Variants in FAM120B observed in about 807,000 individuals in gnomAD.
FAM120B encodes family with sequence similarity 120 member B.
A neutral mutation model predicts 96.3 loss-of-function variants in FAM120B; 83 were observed. The observed-to-expected ratio is 0.86, with a 90% CI of 0.72 to 1.03. The LOEUF (loss-of-function observed/expected upper bound fraction) is 1.03, where lower values mean the gene tolerates loss of function less well. FAM120B is among the 50% of genes least tolerant of loss of function. FAM120B has a pLI of 0.00. For missense variants in FAM120B, 1,027 were observed against 1,121.2 expected (o/e 0.92, Z 1.20); for synonymous variants, 407 against 402.7 (o/e 1.01, Z -0.13).
chr6:170,337,653 C>T (rs1029951686), intron 4 of FAM120B, among the ~76,000 whole-genome samples: 4 of 152,158 alleles, frequency 2.6e-5, no homozygotes, highest in Non-Finnish European at 5.9e-5. Context: ...GTGAATCCGT[C>T]TGGTCCTGGG....
chr6:170,291,122 C>G (rs1245748713), upstream of FAM120B: 1 of 489,826 alleles, frequency 2.0e-6, no homozygotes, highest in Non-Finnish European at 3.9e-6. Flanking sequence ...CCACCCTTCC[C>G]CGCCCCCCCA....
At position 170,330,633 on chromosome 6, in the gene FAM120B, A is replaced by T; in HGVS notation, c.2017+83A>T. On this transcript the variant is annotated intron_variant, in intron 4 of 10. Coordinates refer to ENST00000476287, the MANE Select transcript of FAM120B (RefSeq NM_032448.3). Reference sequence around the variant, plus strand: ...TAAGAATGCATCAGTTATGGAAAGCATCTTTTACCAGAATTGCACAAATAC... The same window carrying T: ...TAAGAATGCATCAGTTATGGAAAGCTTCTTTTACCAGAATTGCACAAATAC... 3.9e-6 allele frequency: 4 copies of T among 1,016,294 alleles called. No individual in the cohort carries two copies. In the South Asian group the frequency reaches 5.6e-5, roughly 14 times the overall value. 63.0% of individuals were successfully genotyped at this position (1,016,294 alleles called of 1,614,324 possible).
intron 2 of FAM120B, among the ~76,000 whole-genome samples, chr6:170,320,382 T>C (rs560516230): frequency 4.9e-4 from 74 of 152,278 alleles, no homozygotes; most frequent in African/African-American, 1.7e-3. Context: ...TTTTGAAACA[T>C]TACAGTGCAG....
chr6:170,371,806 A>G (rs375306636), intron 6 of FAM120B, among the ~76,000 whole-genome samples: 1 of 152,342 alleles, frequency 6.6e-6, no homozygotes. Flanking sequence ...ATGATTGGCC[A>G]GGAGGCTGCA....
At chr6:170,391,526 C>T (rs561193901) in intron 8 of FAM120B, among the ~76,000 whole-genome samples, 34 of 151,638 alleles carry the variant, frequency 2.2e-4, no homozygotes, top group African/African-American at 8.0e-4. Flanking sequence ...CAGATCGAGA[C>T]TCCATCTCAA....
intron 1 of FAM120B, among the ~76,000 whole-genome samples, chr6:170,301,542 C>T (rs1784142095): frequency 6.6e-6 from 1 of 152,204 alleles, no homozygotes; most frequent in Non-Finnish European, 1.5e-5. Flanking sequence ...TGAATTTCTC[C>T]CCCAGAAAAT....
intron 6 of FAM120B, among the ~76,000 whole-genome samples, chr6:170,360,612 C>T (rs909490361): frequency 1.3e-5 from 2 of 152,192 alleles, no homozygotes; most frequent in Admixed American, 6.5e-5. Context: ...ACAAACGTAG[C>T]AGAGACTTGT....
chr6:170,374,030 T>A (rs1789362713), intron 6 of FAM120B, among the ~76,000 whole-genome samples: 1 of 152,192 alleles, frequency 6.6e-6, no homozygotes, highest in African/African-American at 2.4e-5. Context: ...TCCTCAGTTC[T>A]ACCTGGATTT....
At position 170,405,693 on chromosome 6, in the gene FAM120B, C is replaced by T. The variant is rs1778780606; in HGVS notation, c.*942C>T. ...AAGTGTTTGAATAGAAAAGTAACAACTAACTTCCCATCTTTCTGGTGGAAG... is the reference window on the plus strand; with the variant it reads ...AAGTGTTTGAATAGAAAAGTAACAATTAACTTCCCATCTTTCTGGTGGAAG... On this transcript the variant is annotated 3_prime_UTR_variant, in exon 11 of 11. Transcript: ENST00000476287. 1 of 152,258 alleles carries T rather than the reference C, an allele frequency of 6.6e-6. No homozygotes were observed. The highest frequency in any genetic ancestry group is 6.5e-5 in the Admixed American group (1 of 15,284). 9.4% of individuals were successfully genotyped at this position (152,258 alleles called of 1,614,324 possible).
rs183731684 is a variant in FAM120B at position 170,322,864 on chromosome 6, G to A, written c.1735-215G>A. Among the ~76,000 whole-genome samples the A allele has an allele frequency of 2.1e-3, 312 of 152,114 alleles. 1 individual carries two copies. The highest frequency in any genetic ancestry group is 6.8e-3 in the Middle Eastern group (2 of 294). ...ACTGCAGAAGATAAGACTGGTAGAC[G>A]TTTGGAGAGAGGAGGAGGAGGGGGA... On this transcript the variant is annotated intron_variant, in intron 2 of 10. Transcript: ENST00000476287.
rs769052954 is a variant in FAM120B, at chr6:170,404,640, CAT to C, written c.*11+40_*11+41del. The C allele has an allele frequency of 6.2e-6, 9 of 1,450,304 alleles. No individual in the cohort carries two copies. In the African/African-American group the frequency reaches 9.8e-5, roughly 16 times the overall value. The allele number at this position is 1,450,304 out of a possible 1,614,324, so 89.8% of individuals were successfully genotyped here. A position where few individuals can be genotyped will look rare whatever the true frequency, so the allele number is the denominator to read the frequency against. On this transcript the variant is annotated intron_variant, in intron 10 of 10. Transcript: ENST00000476287. ...CTGCATCTCCAGAAGAAATCAGTCA[CAT>C]GTCTGTCTTAATAACATAAATCTTC...
At position 170,388,330 on chromosome 6, in the gene FAM120B, T is replaced by TGAA; in HGVS notation, c.2327_2328insGAA (p.Leu776_Val777insAsn). Reference sequence around the variant, plus strand: ...AGAGCCGTGCAGCTGGGCTCCCTTCTCGTCCGCGGCCTCACCACTCTGGTT... The same window carrying TGAA: ...AGAGCCGTGCAGCTGGGCTCCCTTCTGAACGTCCGCGGCCTCACCACTCTGGTT... On this transcript the variant is annotated inframe_insertion, in exon 7 of 11. Transcript: ENST00000476287. The TGAA allele has an allele frequency of 6.2e-7, 1 of 1,614,076 alleles. No homozygotes were observed. The highest frequency in any genetic ancestry group is 8.5e-7 in the Non-Finnish European group (1 of 1,180,044).
intron 4 of FAM120B, among the ~76,000 whole-genome samples, chr6:170,341,980 C>A (rs995379053): frequency 2.0e-5 from 3 of 152,170 alleles, no homozygotes; most frequent in African/African-American, 7.2e-5. Context: ...CGATCATAGC[C>A]ATGACATGAT....
rs374056645 is a variant in FAM120B, at chr6:170,377,724, T to A, written c.2284-10563T>A. Among the ~76,000 whole-genome samples the A allele has an allele frequency of 1.2e-4, 14 of 118,158 alleles. 1 individual carries two copies. Among genetic ancestry groups the A allele is most frequent in the East Asian group, 2.6e-4 (1 of 3,880 alleles). The allele number at this position is 118,158 out of a possible 152,430, so 77.5% of individuals were successfully genotyped here. On this transcript the variant is annotated intron_variant, in intron 6 of 10. Transcript: ENST00000476287. Reference sequence around the variant, plus strand: ...CGGTGCTGTGCACACGCGTCCCTAATCCCAGACGCCTGGGAGAACACAGGC... The same window carrying A: ...CGGTGCTGTGCACACGCGTCCCTAAACCCAGACGCCTGGGAGAACACAGGC...
intron 6 of FAM120B, among the ~76,000 whole-genome samples, chr6:170,378,663 G>A (rs1789725304): frequency 6.6e-6 from 1 of 152,192 alleles, no homozygotes; most frequent in Non-Finnish European, 1.5e-5. Flanking sequence ...CAGGAAGCAG[G>A]AAGCAGAACC....
chr6:170,292,455 G>T (rs939445257), upstream of FAM120B, among the ~76,000 whole-genome samples: 1 of 152,140 alleles, frequency 6.6e-6, no homozygotes, highest in Non-Finnish European at 1.5e-5. The surrounding 1 kb of genome is among the most constrained non-coding windows in gnomAD (Gnocchi z 6.6). Context: ...AGGGTTCCAG[G>T]TGAGTGTTGG....
At chr6:170,340,559 A>G (rs935406884) in intron 4 of FAM120B, among the ~76,000 whole-genome samples, 3 of 152,196 alleles carry the variant, frequency 2.0e-5, no homozygotes, top group Non-Finnish European at 2.9e-5. Flanking sequence ...GCGATCATTT[A>G]GAGAAGAGGC....
chr6:170,292,744 C>G (rs923814855), upstream of FAM120B, among the ~76,000 whole-genome samples: 3 of 152,266 alleles, frequency 2.0e-5, no homozygotes, highest in African/African-American at 7.2e-5. The surrounding 1 kb of genome is among the most constrained non-coding windows in gnomAD (Gnocchi z 6.6). Context: ...TACTCTGCGG[C>G]TCCTCTTCAA....
intron 6 of FAM120B, among the ~76,000 whole-genome samples, chr6:170,368,995 T>C (rs1468077960): frequency 2.3e-5 from 3 of 130,536 alleles, no homozygotes; most frequent in African/African-American, 8.5e-5. Flanking sequence ...TACCATCCCA[T>C]TGGGGATTTA....
Sources: gnomAD v4.1 joint callset for allele counts (sites outside exome capture counted in the v4.1 genomes callset) on GRCh38, gnomAD v4.1.1 for gene constraint, Gnocchi (gnomAD v3.1) non-coding constraint, MANE v1.5 for transcripts, NCBI Gene and HGNC (gene_info 2026-07-23, HGNC 2026-07-21) for gene names.